Variants in PDK1 observed in about 807,000 individuals in gnomAD.
The protein encoded by PDK1 is [Pyruvate dehydrogenase (acetyl-transferring)] kinase isozyme 1, mitochondrial.
PDK1 carries 39 observed loss-of-function variants against 54.2 expected under a neutral mutation model. The ratio of observed to expected loss-of-function variants is 0.72; its 90% CI spans 0.56 to 0.94. PDK1 has a LOEUF of 0.94. PDK1 is among the 40% of genes least tolerant of loss of function. PDK1 has a pLI of 0.00. For missense variants in PDK1, 552 were observed against 566.0 expected, an observed-to-expected ratio of 0.98 and a Z score of 0.25; for synonymous variants, 221 against 207.1, an observed-to-expected ratio of 1.07 and a Z score of -0.58.
chr2:172,571,823 C>CGTTTTTTTTTTTTTTTTTTTTTTTTT (rs765005051), intron 8 of PDK1, among the ~76,000 whole-genome samples: 6 of 99,784 alleles, frequency 6.0e-5, no homozygotes, highest in African/African-American at 7.8e-5. Context: ...TCTTTCTTTA[C>CGTTTTTTTTTTTTTTTTTTTTTTTTT]TTTTTTTTTT....
At chr2:172,638,230 GA>G in the PDK1 span, among the ~76,000 whole-genome samples, 5 of 152,122 alleles carry the variant, frequency 3.3e-5, no homozygotes, top group Admixed American at 2.6e-4. Context: ...AACTCATGAA[GA>G]AAACGACATT....
intron 5 of PDK1, among the ~76,000 whole-genome samples, 159 bp from the exon 6 acceptor site, chr2:172,566,693 CAAAA>C (rs764324321): frequency 1.7e-5 from 1 of 59,564 alleles, no homozygotes; most frequent in African/African-American, 6.0e-5. Flanking sequence ...ATGTCTCTAC[CAAAA>C]AAAAAAAAAA....
the PDK1 span, among the ~76,000 whole-genome samples, chr2:172,686,487 C>T: frequency 6.6e-6 from 1 of 152,122 alleles, no homozygotes; most frequent in Non-Finnish European, 1.5e-5. Flanking sequence ...TAAAATGGAC[C>T]AATCAGTGCT....
At chr2:172,692,278 A>G in the PDK1 span, among the ~76,000 whole-genome samples, 1 of 152,316 alleles carries the variant, frequency 6.6e-6, no homozygotes, top group South Asian at 2.1e-4. Context: ...GGTATTGATG[A>G]GGAAATATAC....
At chr2:172,655,116 C>T in the PDK1 span, among the ~76,000 whole-genome samples, 1 of 152,158 alleles carries the variant, frequency 6.6e-6, no homozygotes, top group South Asian at 2.1e-4. Context: ...TTTTGGAGCT[C>T]CCCCGCTATC....
chr2:172,707,924 A>G, the PDK1 span, among the ~76,000 whole-genome samples: 1 of 152,380 alleles, frequency 6.6e-6, no homozygotes, highest in East Asian at 1.9e-4. Context: ...TAACTATGAC[A>G]ATTCTCCAAC....
downstream of PDK1, among the ~76,000 whole-genome samples, chr2:172,610,954 T>TA (rs1217503672): frequency 6.6e-6 from 1 of 152,234 alleles, no homozygotes; most frequent in Non-Finnish European, 1.5e-5. Flanking sequence ...ATTTGATTAA[T>TA]ACAGCTGTAA....
chr2:172,672,091 C>T, the PDK1 span, among the ~76,000 whole-genome samples: 1 of 152,078 alleles, frequency 6.6e-6, no homozygotes, highest in African/African-American at 2.4e-5. Flanking sequence ...TTGAAAGAGA[C>T]AAGAAGTATT....
chr2:172,564,492 G>A lies in PDK1; in HGVS notation c.411-11G>A, dbSNP rs370811582. 4 of 1,599,796 alleles carry A rather than the reference G, an allele frequency of 2.5e-6. No homozygotes were observed. In the African/African-American group the frequency reaches 4.0e-5, roughly 16 times the overall value. On this transcript the variant is annotated splice_polypyrimidine_tract_variant and intron_variant, in intron 3 of 10. Coordinates refer to ENST00000282077, the MANE Select transcript of PDK1 (RefSeq NM_002610.5). ...AAATATTTGGCTGTTTTGACAGATGGGTTTGTTTAGCTTTACAGATACTGT... is the reference window on the plus strand; with the variant it reads ...AAATATTTGGCTGTTTTGACAGATGAGTTTGTTTAGCTTTACAGATACTGT...
downstream of PDK1, among the ~76,000 whole-genome samples, chr2:172,610,594 A>G (rs1432348550): frequency 1.3e-5 from 2 of 152,088 alleles, no homozygotes; most frequent in Non-Finnish European, 2.9e-5. Flanking sequence ...TTCCTACATC[A>G]AATTATCTCT....
chr2:172,669,527 A>T, the PDK1 span, among the ~76,000 whole-genome samples: 226 of 152,264 alleles, frequency 1.5e-3, no homozygotes, highest in Non-Finnish European at 2.3e-3. Context: ...AATTCCTTTG[A>T]CTATATACCC....
At position 172,564,732 on chromosome 2, in the gene PDK1, G is replaced by C. The variant is rs199846972; in HGVS notation, c.595+45G>C. ...CAAGAGAAGAAGCTAAATGAGATGT[G>C]TTGGCATATTTTAAATTTATTTAGG... On this transcript the variant is annotated intron_variant, in intron 4 of 10. Transcript: ENST00000282077. 3.4e-4 allele frequency: 495 copies of C among 1,475,964 alleles called. 1 individual carries two copies. Among genetic ancestry groups the C allele is most frequent in the Middle Eastern group, 1.4e-3 (8 of 5,654 alleles). 91.4% of individuals were successfully genotyped at this position (1,475,964 alleles called of 1,614,324 possible). A position where few individuals can be genotyped will look rare whatever the true frequency, so the allele number is the denominator to read the frequency against.
In PDK1 at chr2:172,556,176, G is replaced by A; in HGVS notation, c.26G>A (p.Gly9Glu). MRLARLLR[G>E]AALAGPGPGL... ...ATGAGGCTGGCGCGGCTGCTTCGCGGAGCCGCCTTGGCCGGCCCGGGCCCG... is the reference window on the plus strand; with the variant it reads ...ATGAGGCTGGCGCGGCTGCTTCGCGAAGCCGCCTTGGCCGGCCCGGGCCCG... Residue 9 changes from glycine (G) to glutamate (E), a missense_variant, in exon 1 of 11, where the codon GGA becomes GAA. Physicochemically the swap from Gly to Glu is moderately conservative, Grantham distance 98. Coordinates refer to ENST00000282077, the MANE Select transcript of PDK1 (RefSeq NM_002610.5). The A allele has an allele frequency of 2.8e-6, 4 of 1,418,734 alleles. No homozygotes were observed. Among genetic ancestry groups the A allele is most frequent in the Non-Finnish European group, 3.7e-6 (4 of 1,093,256 alleles). 87.9% of individuals were successfully genotyped at this position (1,418,734 alleles called of 1,614,324 possible).
the PDK1 span, among the ~76,000 whole-genome samples, chr2:172,684,266 CA>C: frequency 6.6e-6 from 1 of 151,850 alleles, no homozygotes; most frequent in South Asian, 2.1e-4. Flanking sequence ...ACAAAAAATA[CA>C]AAAAATTAGC....
chr2:172,620,348 C>G, the PDK1 span, among the ~76,000 whole-genome samples: 1 of 152,094 alleles, frequency 6.6e-6, no homozygotes, highest in Non-Finnish European at 1.5e-5. Context: ...AGTGAACAAC[C>G]TTGCCCAAAG....
intron 8 of PDK1, among the ~76,000 whole-genome samples, chr2:172,573,594 C>T (rs1311660258): frequency 6.6e-6 from 1 of 150,586 alleles, no homozygotes; most frequent in Non-Finnish European, 1.5e-5. Flanking sequence ...TATATATATA[C>T]ACCCTATATA....
chr2:172,620,512 C>T, the PDK1 span, among the ~76,000 whole-genome samples: 297 of 152,266 alleles, frequency 2.0e-3, 1 homozygote, highest in African/African-American at 6.8e-3. Context: ...ACCCGTCATC[C>T]TATGCAGGCT....
chr2:172,599,741 C>A lies in PDK1; in HGVS notation c.*3772C>A, dbSNP rs1408378375. 1 of 152,120 alleles carries A rather than the reference C, an allele frequency of 6.6e-6. No homozygotes were observed. Among genetic ancestry groups the A allele is most frequent in the Non-Finnish European group, 1.5e-5 (1 of 68,008 alleles). 9.4% of individuals were successfully genotyped at this position (152,120 alleles called of 1,614,324 possible). On this transcript the variant is annotated 3_prime_UTR_variant, in exon 11 of 11. Transcript: ENST00000282077. ...AAAAAGAATTGAACATATGTACCACCCCCCTCTTTCTAGAGTCTCCACAGT... is the reference window on the plus strand; with the variant it reads ...AAAAAGAATTGAACATATGTACCACACCCCTCTTTCTAGAGTCTCCACAGT...
the PDK1 span, among the ~76,000 whole-genome samples, chr2:172,720,263 C>T: frequency 3.9e-5 from 6 of 151,934 alleles, no homozygotes; most frequent in South Asian, 4.2e-4. Flanking sequence ...TACAGGCATG[C>T]GCCACCAAAC....
Sources: gnomAD v4.1 joint callset for allele counts (sites outside exome capture counted in the v4.1 genomes callset) on GRCh38, gnomAD v4.1.1 for gene constraint, MANE v1.5 for transcripts, NCBI Gene and HGNC (gene_info 2026-07-23, HGNC 2026-07-21) for gene names.